DAB2IP: variants seen among roughly 807,000 people sequenced by gnomAD.
The protein encoded by DAB2IP is DAB2 interacting protein, also known as disabled homolog 2-interacting protein.
A neutral mutation model predicts 107.2 loss-of-function variants in DAB2IP; 28 were observed. The observed-to-expected ratio is 0.26, with a 90% confidence interval of 0.19 to 0.36. The LOEUF (loss-of-function observed/expected upper bound fraction) is 0.36. Ranked by LOEUF, DAB2IP falls within the 10% of genes least tolerant of loss-of-function variation. The probability of loss-of-function intolerance (pLI) is 1.00; values close to 1 mark genes in which losing one functional copy is unlikely to be tolerated. For synonymous variants in DAB2IP, 755 were observed against 706.4 expected (o/e 1.07, Z -1.09); for missense variants, 1,400 against 1,644.7 (o/e 0.85, Z 2.57).
At chr9:121,640,208 G>T (rs1243079589) in intron 1 of DAB2IP, among the ~76,000 whole-genome samples, 6 of 152,166 alleles carry the variant, frequency 3.9e-5, no homozygotes, top group Non-Finnish European at 7.4e-5. Context: ...AGCCCAGCAG[G>T]GGGCAGCGCA....
chr9:121,732,107 G>A (rs1831579224), intron 3 of DAB2IP, among the ~76,000 whole-genome samples: 3 of 152,142 alleles, frequency 2.0e-5, no homozygotes, highest in Non-Finnish European at 4.4e-5. Context: ...AGAACCAGCA[G>A]TCACAGGCTC....
intron 8 of DAB2IP, 110 bp from the exon 9 acceptor site, chr9:121,766,384 A>G (rs982760564): frequency 2.0e-6 from 2 of 978,006 alleles, no homozygotes; most frequent in South Asian, 3.0e-5. Context: ...GGCTGACCTC[A>G]CGCAGCTGGC....
At chr9:121,607,612 A>G (rs1263059952) in intron 1 of DAB2IP, among the ~76,000 whole-genome samples, 1 of 152,080 alleles carries the variant, frequency 6.6e-6, no homozygotes, top group Non-Finnish European at 1.5e-5. Flanking sequence ...TCACCACCCC[A>G]TCGTTCCTTT....
At chr9:121,722,337 G>C (rs1406805827) in intron 3 of DAB2IP, among the ~76,000 whole-genome samples, 1 of 152,166 alleles carries the variant, frequency 6.6e-6, no homozygotes, top group African/African-American at 2.4e-5. Context: ...CAGGAGTCCT[G>C]CATTGTTCAG....
At chr9:121,672,569 A>G (rs1351425691) in intron 1 of DAB2IP, among the ~76,000 whole-genome samples, 2 of 152,182 alleles carry the variant, frequency 1.3e-5, no homozygotes, top group Admixed American at 1.3e-4. Context: ...CAAGAATAGG[A>G]AGACAGCCTG....
Position 121,579,394 on chromosome 9 carries a change from C to T in DAB2IP, c.40+12166C>T, listed in dbSNP as rs547987794. ...TCTCGCCTGTCTCTTCATCCCCTCT[C>T]GGTCTTTCCTGTAGGCTCCCAGCTA... On this transcript the variant is annotated intron_variant, in intron 1 of 16. Transcript: ENST00000259371. Among the ~76,000 whole-genome samples, 3 of 152,238 alleles carry T rather than the reference C, an allele frequency of 2.0e-5. No homozygotes were observed. In the East Asian group the frequency reaches 5.8e-4, roughly 29 times the overall value.
intron 1 of DAB2IP, among the ~76,000 whole-genome samples, chr9:121,666,582 G>T (rs140882935): frequency 3.3e-4 from 50 of 152,150 alleles, no homozygotes; most frequent in African/African-American, 1.2e-3. Context: ...AAGATCACAC[G>T]CCGGGGCCTG....
intron 8 of DAB2IP, among the ~76,000 whole-genome samples, chr9:121,765,332 T>A (rs767583603): frequency 6.6e-6 from 1 of 152,254 alleles, no homozygotes; most frequent in African/African-American, 2.4e-5. Flanking sequence ...CATTGATAGA[T>A]GTCACCACTC....
intron 1 of DAB2IP, among the ~76,000 whole-genome samples, chr9:121,644,184 AGAG>A (rs968922805): frequency 7.0e-6 from 1 of 143,118 alleles, no homozygotes; most frequent in Non-Finnish European, 1.5e-5. Context: ...AAGAAGAAGA[AGAG>A]GAGGAGGAAG....
At chr9:121,725,430 C>T (rs1831186386) in intron 3 of DAB2IP, among the ~76,000 whole-genome samples, 3 of 152,180 alleles carry the variant, frequency 2.0e-5, no homozygotes, top group African/African-American at 7.2e-5. Flanking sequence ...TGCCCAGGGT[C>T]ACCCTTAGAT....
intron 11 of DAB2IP, among the ~76,000 whole-genome samples, chr9:121,771,128 G>C (rs1160268183): frequency 1.3e-5 from 2 of 152,188 alleles, no homozygotes; most frequent in Admixed American, 6.5e-5. Context: ...ATCTCCAGAA[G>C]TGTTTAGTTG....
At position 121,630,574 on chromosome 9, in the gene DAB2IP, C is replaced by T. The variant is rs191619415; in HGVS notation, c.41-48104C>T. Among the ~76,000 whole-genome samples the T allele has an allele frequency of 6.7e-4, 102 of 151,282 alleles. 1 individual carries two copies. The highest frequency in any genetic ancestry group is 1.1e-3 in the African/African-American group (46 of 41,260). ...ATAACCAGGCATGCGCCACCACACCCGGCTAATTTTTGTATTTTTATTTAT... is the reference window on the plus strand; with the variant it reads ...ATAACCAGGCATGCGCCACCACACCTGGCTAATTTTTGTATTTTTATTTAT... On this transcript the variant is annotated intron_variant, in intron 1 of 16. Transcript: ENST00000259371.
At chr9:121,649,137 G>A (rs79056770), upstream of DAB2IP, among the ~76,000 whole-genome samples, 76 of 152,304 alleles carry the variant, frequency 5.0e-4, no homozygotes, top group African/African-American at 1.7e-3. Context: ...CCCCAGGCCC[G>A]TGGAGATGCT....
chr9:121,591,808 CAG>C (rs1564687963), intron 1 of DAB2IP, among the ~76,000 whole-genome samples: 1 of 152,142 alleles, frequency 6.6e-6, no homozygotes, highest in African/African-American at 2.4e-5. Context: ...GTTGCCTGTG[CAG>C]AGAGTCTAGA....
chr9:121,772,563 C>T lies in DAB2IP; in HGVS notation c.2079-44C>T, dbSNP rs747585189. The T allele has an allele frequency of 3.8e-6, 6 of 1,570,420 alleles. No homozygotes were observed. In the Admixed American group the frequency reaches 7.0e-5, roughly 18 times the overall value. On this transcript the variant is annotated intron_variant, in intron 11 of 15. Coordinates refer to ENST00000408936, the Ensembl canonical transcript of DAB2IP. The surrounding 1 kb of genome is among the most constrained non-coding windows in gnomAD (Gnocchi z 4.7). ...ACCCGCCTTGGCTGCACTCACAGTT[C>T]TTCTTTTCCCCTTCTTTCCCTGTGT...
intron 1 of DAB2IP, among the ~76,000 whole-genome samples, chr9:121,576,670 C>T (rs1830063952): frequency 6.6e-6 from 1 of 152,074 alleles, no homozygotes; most frequent in Non-Finnish European, 1.5e-5. Flanking sequence ...AGAAAGAAGT[C>T]AGGATAACCC....
chr9:121,667,899 C>T (rs954291037), intron 1 of DAB2IP, among the ~76,000 whole-genome samples: 2 of 152,164 alleles, frequency 1.3e-5, no homozygotes, highest in Non-Finnish European at 2.9e-5. Context: ...ATTGGATTTA[C>T]GGTTCCATGT....
chr9:121,770,417 CTG>C, intron 10 of DAB2IP, 127 bp from the exon 11 acceptor site: 1 of 1,030,914 alleles, frequency 9.7e-7, no homozygotes, highest in Non-Finnish European at 1.4e-6. Context: ...GTGGCTCTGA[CTG>C]GCAGCAGGTG....
intron 3 of DAB2IP, among the ~76,000 whole-genome samples, chr9:121,717,215 G>T (rs1830653734): frequency 6.6e-6 from 1 of 152,186 alleles, no homozygotes; most frequent in Admixed American, 6.5e-5. Context: ...CTTCTAAGTG[G>T]TGGGACTTCG....
Sources: gnomAD v4.1 joint callset for allele counts (sites outside exome capture counted in the v4.1 genomes callset) on GRCh38, gnomAD v4.1.1 for gene constraint, Gnocchi (gnomAD v3.1) non-coding constraint, MANE v1.5 for transcripts, NCBI Gene and HGNC (gene_info 2026-07-23, HGNC 2026-07-21) for gene names.